The following TG variants were observed in gnomAD, a reference collection of about 807,000 sequenced individuals.
TG encodes thyroid hormones.
TG carries 270 observed loss-of-function variants against 324.7 expected under a neutral mutation model. That is an observed-to-expected ratio of 0.83 (90% CI 0.75 to 0.92). The LOEUF is 0.92. Ranked by LOEUF, TG falls within the 40% of genes least tolerant of loss-of-function variation. The pLI, the probability that TG is intolerant of heterozygous loss-of-function variation, is 0.00. For synonymous variants in TG, 1,401 were observed against 1,327.0 expected, an observed-to-expected ratio of 1.06 and a Z score of -1.21; for missense variants, 3,591 against 3,456.4, an observed-to-expected ratio of 1.04 and a Z score of -0.98.
chr8:132,886,604 C>T lies in TG; in HGVS notation c.1232C>T (p.Thr411Met), dbSNP rs762257905. 8.7e-5 allele frequency: 141 copies of T among 1,614,060 alleles called. No homozygotes were observed. The highest frequency in any genetic ancestry group is 1.6e-4 in the Middle Eastern group (1 of 6,084). The change falls in exon 9 of 48, where the codon ACG becomes ATG. Residue 411 changes from threonine (T) to methionine (M), a missense_variant. By Grantham distance (81) the Thr-to-Met change is moderately conservative. Coordinates refer to ENST00000220616, the MANE Select transcript of TG (RefSeq NM_003235.5). ...VARFATSCPP[T>M]IKELFVDSGL... ...AGATTTGCCACATCCTGCCCACCCA[C>T]GATCAAGGAGCTCTTTGTGGACTCT...
intron 27 of TG, among the ~76,000 whole-genome samples, chr8:132,960,781 A>T (rs1827632746): frequency 6.6e-6 from 1 of 152,176 alleles, no homozygotes; most frequent in Admixed American, 6.5e-5. Flanking sequence ...TCATGGAAGT[A>T]GTCCCTTTGG....
In TG at chr8:132,908,217, A is replaced by T. The variant is rs577857070; in HGVS notation, c.3879A>T (p.Gln1293His). 1.1e-5 allele frequency: 17 copies of T among 1,613,874 alleles called. No homozygotes were observed. The highest frequency in any genetic ancestry group is 1.4e-5 in the Non-Finnish European group (17 of 1,180,010). The change falls in exon 18 of 48, where the codon CAA becomes CAT. Residue 1293 changes from glutamine to histidine, a missense_variant. Physicochemically the swap from Gln to His is conservative, Grantham distance 24 (BLOSUM62 0). Transcript: ENST00000220616. The stretch of plus-strand genomic sequence containing the variant: ...AGCTGTGGCAGACCATCCAGACCCA[A>T]GGGCACTTTCAGCTCCAGCTCCCGC... Reference protein sequence around the residue: ...RPQLWQTIQTQGHFQLQLPPG... With the variant: ...RPQLWQTIQTHGHFQLQLPPG...
At position 132,933,616 on chromosome 8, in the gene TG, G is replaced by T. The variant is rs1823126744; in HGVS notation, c.4872G>T (p.Glu1624Asp). The T allele has an allele frequency of 2.5e-6, 4 of 1,614,060 alleles. No individual in the cohort carries two copies. The highest frequency in any genetic ancestry group is 1.3e-5 in the African/African-American group (1 of 74,902). Reference protein sequence around the residue: ...SFFTVSTTEPEISCDFYAWTS... With the variant: ...SFFTVSTTEPDISCDFYAWTS... Reference sequence around the variant, plus strand: ...TCACCGTGTCCACGACGGAGCCAGAGATTTCCTGTGATTTCTATGCTTGGA... The same window carrying T: ...TCACCGTGTCCACGACGGAGCCAGATATTTCCTGTGATTTCTATGCTTGGA... Residue 1624 changes from glutamate (E) to aspartate (D), a missense_variant, in exon 24 of 48, where the codon GAG becomes GAT. Transcript: ENST00000220616.
In TG at chr8:132,887,335, C is replaced by T. The variant is rs771807370; in HGVS notation, c.1963C>T (p.Gln655Ter). 88 of 1,611,280 alleles carry T rather than the reference C, an allele frequency of 5.5e-5. No individual in the cohort carries two copies. Among genetic ancestry groups the T allele is most frequent in the Non-Finnish European group, 5.1e-6 (6 of 1,177,798 alleles). Residue 655 changes from glutamine to a stop codon, truncating the protein, a stop_gained, in exon 9 of 48, where the codon CAG becomes TAG. Transcript: ENST00000220616. LOFTEE classifies it high-confidence loss of function. Reference sequence around the variant, plus strand: ...TCCAGGCTCAAGAGTCAGAGGTGGACAGCCAAGGTGCCCCACAGACTGTGA... The same window carrying T: ...TCCAGGCTCAAGAGTCAGAGGTGGATAGCCAAGGTGCCCCACAGACTGTGA... The part of the protein sequence containing the change: ...ELPGSRVRGG[Q>*]PRCPTDCEKQ...
At position 132,962,977 on chromosome 8, in the gene TG, C is replaced by CT. The variant is rs759266838; in HGVS notation, c.5468-9dup. 2.1e-5 allele frequency: 34 copies of CT among 1,611,610 alleles called. No homozygotes were observed. Among genetic ancestry groups the CT allele is most frequent in the Non-Finnish European group, 2.7e-5 (32 of 1,178,006 alleles). On this transcript the variant is annotated splice_polypyrimidine_tract_variant and intron_variant, in intron 28 of 47. Coordinates refer to ENST00000220616, the MANE Select transcript of TG (RefSeq NM_003235.5). ...CATTCTCCCCAACATTGCAACAACT[C>CT]TTTTTTTTCCTCCTAGATTCTGACA...
At chr8:132,927,943 G>A (rs188979961) in intron 22 of TG, among the ~76,000 whole-genome samples, 5 of 152,274 alleles carry the variant, frequency 3.3e-5, no homozygotes, top group East Asian at 3.9e-4. Flanking sequence ...GGCAGAGCAC[G>A]TGAAATTGGC....
Position 132,887,032 on chromosome 8 carries a change from T to C in TG, c.1660T>C (p.Phe554Leu). ...TAAGCCAACTGTGGGCAGCTTTGGC[T>C]TTGAAATTAACCTACAAGAGAACCA... Reference protein sequence around the residue: ...MNKPTVGSFGFEINLQENQNA... With the variant: ...MNKPTVGSFGLEINLQENQNA... Residue 554 changes from phenylalanine to leucine, a missense_variant, in exon 9 of 48, where the codon TTT becomes CTT. By Grantham distance (22) the Phe-to-Leu change is conservative. Transcript: ENST00000220616. The C allele has an allele frequency of 6.2e-7, 1 of 1,614,184 alleles. No homozygotes were observed. The highest frequency in any genetic ancestry group is 2.2e-5 in the East Asian group (1 of 44,882).
rs757193116 is a variant in TG at position 132,906,722 on chromosome 8, G to T, written c.3669G>T (p.Glu1223Asp). The T allele has an allele frequency of 3.2e-5, 52 of 1,614,268 alleles. No individual in the cohort carries two copies. Among genetic ancestry groups the T allele is most frequent in the Non-Finnish European group, 4.4e-5 (52 of 1,180,052 alleles). The change falls in exon 17 of 48, where the codon GAG (glutamate) becomes GAT (aspartate). Residue 1223 changes from glutamate to aspartate, a missense_variant. Coordinates refer to ENST00000220616, the MANE Select transcript of TG (RefSeq NM_003235.5). ...GTCCGCTGCCATTCAACGCGTCGGA[G>T]GTGGTTGGTGGAACAATCCTGTGTG... is the stretch of plus-strand genomic sequence containing the variant. ...PRCPLPFNAS[E>D]VVGGTILCET...
intron 26 of TG, among the ~76,000 whole-genome samples, chr8:132,942,748 C>T (rs2741217): frequency 0.51 from 76,915 of 151,920 alleles, 21,262 homozygotes; most frequent in Non-Finnish European, 0.61. Flanking sequence ...GAGGTAGAGA[C>T]GTAGAAGTCT....
chr8:132,954,098 AC>A (rs1446008169), intron 27 of TG, among the ~76,000 whole-genome samples: 7 of 151,946 alleles, frequency 4.6e-5, no homozygotes, highest in Admixed American at 4.6e-4. Flanking sequence ...CCTGGTGTTC[AC>A]TTTATAGGGG....
intron 29 of TG, chr8:132,964,747 G>T: frequency 1.7e-6 from 1 of 604,894 alleles, no homozygotes; most frequent in South Asian, 2.0e-5. Context: ...ACATGTGGCT[G>T]TGGCCTTGGA....
At chr8:133,072,386 G>A (rs1336874622) in intron 41 of TG, among the ~76,000 whole-genome samples, 1 of 152,176 alleles carries the variant, frequency 6.6e-6, no homozygotes. Flanking sequence ...GGAGGAAGTC[G>A]ATCACATGAT....
intron 41 of TG, among the ~76,000 whole-genome samples, chr8:133,041,689 A>C (rs894243189): frequency 2.0e-5 from 3 of 152,150 alleles, no homozygotes; most frequent in African/African-American, 7.2e-5. Context: ...GACAAAGAGC[A>C]AAAGAACCAC....
At position 133,039,021 on chromosome 8, in the gene TG, C is replaced by G. The variant is rs550265700; in HGVS notation, c.7239+8998C>G. Among the ~76,000 whole-genome samples, 5 of 152,192 alleles carry G rather than the reference C, an allele frequency of 3.3e-5. No homozygotes were observed. In the South Asian group the frequency reaches 1.0e-3, roughly 32 times the overall value. ...GCCTCCTGAGTAGCTGGGATTACAA[C>G]CATCCACCACCACGCCCAGCTAATT... On this transcript the variant is annotated intron_variant, in intron 41 of 47. Transcript: ENST00000220616.
At position 132,887,386 on chromosome 8, in the gene TG, C is replaced by G; in HGVS notation, c.2014C>G (p.Leu672Val). Residue 672 changes from leucine (L) to valine (V), a missense_variant, in exon 9 of 48, where the codon CTC becomes GTC. Physicochemically the swap from Leu to Val is conservative, Grantham distance 32 (BLOSUM62 1). Coordinates refer to ENST00000220616, the MANE Select transcript of TG (RefSeq NM_003235.5). ...AAAGCAAAGGGCTCGCATGCAAAGC[C>G]TCATGGGCAGCCAGCCTGCTGGCTC... is the stretch of plus-strand genomic sequence containing the variant. The part of the protein sequence containing the change: ...CEKQRARMQS[L>V]MGSQPAGSTL... 1 of 1,614,200 alleles carries G rather than the reference C, an allele frequency of 6.2e-7. No individual in the cohort carries two copies. Among genetic ancestry groups the G allele is most frequent in the African/African-American group, 1.3e-5 (1 of 75,042 alleles).
Position 132,919,534 on chromosome 8 carries a change from T to C in TG, c.4528+9T>C. ...TTTCAGCCAGACTCACTGTAAGTTC[T>C]GTGGAGTGCTTCTTTGAAAGAAAAG... On this transcript the variant is annotated intron_variant, in intron 21 of 47. Transcript: ENST00000220616. 1 of 1,613,728 alleles carries C rather than the reference T, an allele frequency of 6.2e-7. No individual in the cohort carries two copies.
chr8:132,910,352 T>A (rs1563943127), intron 18 of TG, among the ~76,000 whole-genome samples: 1 of 152,136 alleles, frequency 6.6e-6, no homozygotes, highest in East Asian at 1.9e-4. Context: ...GGTGACAGAG[T>A]TCACTTTCCT....
At chr8:132,939,520 T>A (rs1372012753) in intron 25 of TG, among the ~76,000 whole-genome samples, 2 of 152,300 alleles carry the variant, frequency 1.3e-5, no homozygotes, top group Non-Finnish European at 2.9e-5. Flanking sequence ...AGAGTGGATT[T>A]GCATTCGAGG....
At chr8:132,868,771 A>G (rs1349329705) in intron 2 of TG, among the ~76,000 whole-genome samples, 1 of 152,176 alleles carries the variant, frequency 6.6e-6, no homozygotes, top group African/African-American at 2.4e-5. Flanking sequence ...CCTAATGCAG[A>G]CTTGGGGCCT....
Sources: gnomAD v4.1 joint callset for allele counts (sites outside exome capture counted in the v4.1 genomes callset) on GRCh38, gnomAD v4.1.1 for gene constraint, MANE v1.5 for transcripts, NCBI Gene and HGNC (gene_info 2026-07-23, HGNC 2026-07-21) for gene names.